Variants in PCOLCE2 observed in about 807,000 individuals in gnomAD.
PCOLCE2 encodes the protein procollagen C-proteinase enhancer 2.
Under a neutral mutation model 47.0 loss-of-function variants are expected in PCOLCE2, and 42 were observed. The ratio of observed to expected loss-of-function variants is 0.89; its 90% CI spans 0.70 to 1.16. PCOLCE2 has a LOEUF of 1.16. Ranked by LOEUF, PCOLCE2 falls within the 50% of genes most tolerant of loss-of-function variation. PCOLCE2 has a pLI of 0.00. For synonymous variants in PCOLCE2, 169 were observed against 191.7 expected, an observed-to-expected ratio of 0.88 and a Z score of 0.98; for missense variants, 500 against 526.1, an observed-to-expected ratio of 0.95 and a Z score of 0.49.
rs766822878 is a variant in PCOLCE2 at position 142,843,010 on chromosome 3, C to T, written c.487G>A (p.Gly163Ser). ...GGCCAGTTGGGGGTTTTAAAAGAGC[C>T]GGAAGGTCTGTCAAGGAGTCCTCCA... ...YCGGLLDRPSGSFKTPNWPDR... is the reference protein window; with the variant it reads ...YCGGLLDRPSSSFKTPNWPDR... The change falls in exon 4 of 9, where the codon GGC (glycine) becomes AGC (serine). Residue 163 changes from glycine (G) to serine (S), a missense_variant. Coordinates refer to ENST00000295992, the MANE Select transcript of PCOLCE2 (RefSeq NM_013363.4). 2.5e-5 allele frequency: 41 copies of T among 1,613,620 alleles called. No individual in the cohort carries two copies. Among genetic ancestry groups the T allele is most frequent in the Admixed American group, 1.0e-4 (6 of 59,986 alleles).
intron 2 of PCOLCE2, among the ~76,000 whole-genome samples, chr3:142,880,190 A>G (rs1168352337): frequency 6.6e-6 from 1 of 151,806 alleles, no homozygotes; most frequent in East Asian, 1.9e-4. Context: ...ATTACTATTC[A>G]GGCAACTGAA....
At chr3:142,833,087 A>C (rs1428076175) in intron 5 of PCOLCE2, among the ~76,000 whole-genome samples, 1 of 152,156 alleles carries the variant, frequency 6.6e-6, no homozygotes, top group African/African-American at 2.4e-5. Flanking sequence ...TTTTAGCTAT[A>C]GGTTTATCAC....
At chr3:142,835,221 TTTC>T (rs1937189588) in intron 5 of PCOLCE2, among the ~76,000 whole-genome samples, 1 of 152,192 alleles carries the variant, frequency 6.6e-6, no homozygotes, top group Non-Finnish European at 1.5e-5. Context: ...TAGATCTGCC[TTTC>T]TTAATTTTTT....
At chr3:142,832,761 T>C (rs1247953201) in intron 5 of PCOLCE2, among the ~76,000 whole-genome samples, 4 of 146,370 alleles carry the variant, frequency 2.7e-5, no homozygotes, top group Non-Finnish European at 6.1e-5. Context: ...TTCAATGGCA[T>C]TGATCTACAC....
intron 2 of PCOLCE2, among the ~76,000 whole-genome samples, chr3:142,865,471 C>T (rs1201554540): frequency 1.3e-5 from 2 of 152,082 alleles, no homozygotes; most frequent in Admixed American, 6.5e-5. Flanking sequence ...GGCAAGGAAC[C>T]CCTTACAAGC....
chr3:142,838,991 G>A (rs1937235410), intron 4 of PCOLCE2, 85 bp from the exon 5 acceptor site: 1 of 1,051,962 alleles, frequency 9.5e-7, no homozygotes, highest in African/African-American at 1.6e-5. Flanking sequence ...CCCCAGATTT[G>A]GAGGATACTA....
At chr3:142,876,195 C>G (rs917946320) in intron 2 of PCOLCE2, among the ~76,000 whole-genome samples, 1 of 152,192 alleles carries the variant, frequency 6.6e-6, no homozygotes, top group African/African-American at 2.4e-5. Context: ...GTGCAGGGAC[C>G]TTCTCACTGT....
At chr3:142,878,350 T>C (rs1265545728) in intron 2 of PCOLCE2, among the ~76,000 whole-genome samples, 2 of 152,156 alleles carry the variant, frequency 1.3e-5, no homozygotes, top group African/African-American at 4.8e-5. Flanking sequence ...GACCAAATAA[T>C]GTATCTGAGA....
chr3:142,859,855 T>C lies in PCOLCE2; in HGVS notation c.193-11383A>G, dbSNP rs182333487. ...GAGCCACTGCGCCCAGCTATACTGA[T>C]ATTTTATTAGGAATGAAACAAAAAG... On this transcript the variant is annotated intron_variant, in intron 2 of 8. Coordinates refer to ENST00000295992, the MANE Select transcript of PCOLCE2 (RefSeq NM_013363.4). Among the ~76,000 whole-genome samples the C allele has an allele frequency of 5.3e-3, 801 of 152,338 alleles. 4 individuals are homozygous for C. The highest frequency in any genetic ancestry group is 0.018 in the African/African-American group (735 of 41,568).
At chr3:142,874,431 G>A (rs1045991097) in intron 2 of PCOLCE2, among the ~76,000 whole-genome samples, 52 of 152,166 alleles carry the variant, frequency 3.4e-4, no homozygotes, top group African/African-American at 1.2e-3. Flanking sequence ...TGTAAGACGT[G>A]CCTTGTTTCC....
At chr3:142,821,521 C>T (rs1010967405) in intron 7 of PCOLCE2, among the ~76,000 whole-genome samples, 10 of 151,996 alleles carry the variant, frequency 6.6e-5, no homozygotes, top group African/African-American at 2.4e-4. Flanking sequence ...CTCTCCTCAC[C>T]CTTCTCTGTA....
chr3:142,883,130 G>A (rs138621221), intron 2 of PCOLCE2, among the ~76,000 whole-genome samples: 28,011 of 149,332 alleles, frequency 0.19, 3,036 homozygotes, highest in South Asian at 0.26. Flanking sequence ...AACCTGGGAG[G>A]CGGAGCTTGC....
At chr3:142,856,840 A>G (rs140230334) in intron 2 of PCOLCE2, among the ~76,000 whole-genome samples, 8 of 150,928 alleles carry the variant, frequency 5.3e-5, no homozygotes, top group African/African-American at 1.7e-4. Flanking sequence ...TTCCTCATCC[A>G]TGTTCTTGAG....
rs551914080 is a variant in PCOLCE2, at chr3:142,879,796, C to T, written c.192+7873G>A. Among the ~76,000 whole-genome samples, 771 of 151,356 alleles carry T rather than the reference C, an allele frequency of 5.1e-3. 3 individuals are homozygous for T. Among genetic ancestry groups the T allele is most frequent in the Non-Finnish European group, 8.4e-3 (569 of 67,808 alleles). Reference sequence around the variant, plus strand: ...CATCCTGGCTAACACGGTGAAACCCCGCCTCTACTAAAAAATACAAAAAAT... The same window carrying T: ...CATCCTGGCTAACACGGTGAAACCCTGCCTCTACTAAAAAATACAAAAAAT... On this transcript the variant is annotated intron_variant, in intron 2 of 8. Coordinates refer to ENST00000295992, the MANE Select transcript of PCOLCE2 (RefSeq NM_013363.4).
chr3:142,867,477 T>G (rs1474286243), intron 2 of PCOLCE2, among the ~76,000 whole-genome samples: 1 of 152,140 alleles, frequency 6.6e-6, no homozygotes, highest in Non-Finnish European at 1.5e-5. Context: ...GAAAAAAAAT[T>G]TGCAATACAT....
chr3:142,871,166 A>G (rs1318377460), intron 2 of PCOLCE2, among the ~76,000 whole-genome samples: 1 of 152,130 alleles, frequency 6.6e-6, no homozygotes, highest in African/African-American at 2.4e-5. Flanking sequence ...CGTCTTGTCC[A>G]TTAATAATTT....
At chr3:142,825,098 T>C (rs1937059992) in intron 6 of PCOLCE2, among the ~76,000 whole-genome samples, 1 of 152,204 alleles carries the variant, frequency 6.6e-6, no homozygotes. Context: ...GGGAGAGACA[T>C]ACCATTGTTC....
At chr3:142,823,267 C>G (rs1481182271) in intron 7 of PCOLCE2, among the ~76,000 whole-genome samples, 1 of 152,116 alleles carries the variant, frequency 6.6e-6, no homozygotes, top group Non-Finnish European at 1.5e-5. Context: ...CAGGAATAGT[C>G]AGCCAGAACA....
Position 142,842,925 on chromosome 3 carries a change from T to C in PCOLCE2, c.572A>G (p.Gln191Arg). The C allele has an allele frequency of 6.2e-7, 1 of 1,614,018 alleles. No individual in the cohort carries two copies. Among genetic ancestry groups the C allele is most frequent in the Non-Finnish European group, 8.5e-7 (1 of 1,179,916 alleles). The change falls in exon 4 of 9, where the codon CAG becomes CGG. Residue 191 changes from glutamine (Q) to arginine (R), a missense_variant and splice_region_variant. Physicochemically the swap from Gln to Arg is conservative, Grantham distance 43 (BLOSUM62 1). Coordinates refer to ENST00000295992, the MANE Select transcript of PCOLCE2 (RefSeq NM_013363.4). This position sits in a 1 kb window ranked among gnomAD's most constrained non-coding sequence, Gnocchi z 4.1. The part of the protein sequence containing the change: ...CVWHIVAPKN[Q>R]LIELKFEKFD... ...CTTCACACTTCCAGGGAATCTCACC[T>C]GATTCTTTGGGGCTACAATGTGCCA...
Sources: allele counts gnomAD v4.1 joint callset (sites outside exome capture counted in the v4.1 genomes callset), GRCh38; gene constraint gnomAD v4.1.1; non-coding constraint Gnocchi (gnomAD v3.1); transcripts MANE v1.5; gene names NCBI Gene and HGNC (gene_info 2026-07-23, HGNC 2026-07-21).